Variants in PMS1 observed in about 807,000 individuals in gnomAD.
PMS1 encodes PMS1 homolog 1, mismatch repair system component.
Under a neutral mutation model 93.1 loss-of-function variants are expected in PMS1, and 79 were observed. The observed-to-expected ratio is 0.85, with a 90% CI of 0.71 to 1.02. The LOEUF is 1.02. PMS1 is among the 50% of genes least tolerant of loss of function. The pLI is 0.00. For synonymous variants in PMS1, 335 were observed against 363.4 expected, an observed-to-expected ratio of 0.92 and a Z score of 0.89; for missense variants, 1,064 against 1,085.3, an observed-to-expected ratio of 0.98 and a Z score of 0.28.
At chr2:189,851,148 T>C (rs970142687) in intron 6 of PMS1, among the ~76,000 whole-genome samples, 6 of 152,244 alleles carry the variant, frequency 3.9e-5, no homozygotes, top group African/African-American at 1.4e-4. Flanking sequence ...CTTTGCCATG[T>C]AACTTAAACA....
chr2:189,792,663 A>G (rs1260718918), intron 2 of PMS1, among the ~76,000 whole-genome samples: 4 of 144,324 alleles, frequency 2.8e-5, no homozygotes, highest in Non-Finnish European at 6.0e-5. Context: ...TCTATGAGAT[A>G]AACATGTATA....
chr2:189,860,626 A>G (rs2055859046), intron 9 of PMS1, among the ~76,000 whole-genome samples: 1 of 151,920 alleles, frequency 6.6e-6, no homozygotes, highest in African/African-American at 2.4e-5. Flanking sequence ...TTAGATTTCA[A>G]TCTTTTGAAA....
intron 6 of PMS1, among the ~76,000 whole-genome samples, chr2:189,847,359 G>A (rs1279668153): frequency 3.3e-5 from 5 of 151,786 alleles, no homozygotes; most frequent in African/African-American, 9.7e-5. Flanking sequence ...CCTCCCTATT[G>A]TTATTAAGAC....
chr2:189,796,032 G>T (rs1003540547), intron 3 of PMS1, 81 bp downstream of exon 3: 48 of 1,032,546 alleles, frequency 4.6e-5, no homozygotes, highest in Non-Finnish European at 7.2e-5. Flanking sequence ...ATTTGGTGAA[G>T]TATGGTTTTA....
At chr2:189,853,645 A>T (rs1484201342) in intron 7 of PMS1, among the ~76,000 whole-genome samples, 1 of 150,946 alleles carries the variant, frequency 6.6e-6, no homozygotes, top group African/African-American at 2.4e-5. Context: ...CCTCCCAAGT[A>T]TCTGGGATTA....
Position 189,869,251 on chromosome 2 carries a change from CAATT to C in PMS1, c.2473+1325_2473+1328del, listed in dbSNP as rs1380202580. On this transcript the variant is annotated intron_variant, in intron 11 of 12. Transcript: ENST00000441310. ...TATTGGTGAGCATTAACCAAAGTAA[CAATT>C]AAATCAGTGAGCATGGTACTTGGCA... Among the ~76,000 whole-genome samples the C allele has an allele frequency of 3.9e-5, 6 of 152,276 alleles. No homozygotes were observed. The East Asian group carries it at 9.6e-4, about 24-fold the overall frequency.
chr2:189,834,813 T>C (rs1023273491), intron 5 of PMS1, among the ~76,000 whole-genome samples: 1 of 152,088 alleles, frequency 6.6e-6, no homozygotes, highest in Non-Finnish European at 1.5e-5. Context: ...CACTTCAGCC[T>C]CAAACTCGTG....
chr2:189,869,607 A>T (rs996808433), intron 11 of PMS1, among the ~76,000 whole-genome samples: 2 of 152,102 alleles, frequency 1.3e-5, no homozygotes, highest in African/African-American at 4.8e-5. Context: ...ACCTGAGATC[A>T]GGGGTTCAAG....
chr2:189,831,386 T>C (rs958177574), intron 5 of PMS1, among the ~76,000 whole-genome samples: 2 of 152,216 alleles, frequency 1.3e-5, no homozygotes, highest in Non-Finnish European at 2.9e-5. Flanking sequence ...CTATAAATTG[T>C]AGGCTTTAAG....
At chr2:189,792,952 G>A (rs1042619101) in intron 2 of PMS1, among the ~76,000 whole-genome samples, 9 of 151,900 alleles carry the variant, frequency 5.9e-5, no homozygotes, top group African/African-American at 2.2e-4. Flanking sequence ...TGGGATTACA[G>A]GCACCTGTTA....
intron 3 of PMS1, among the ~76,000 whole-genome samples, chr2:189,800,251 G>A (rs2049770318): frequency 6.6e-6 from 1 of 152,110 alleles, no homozygotes; most frequent in Admixed American, 6.6e-5. Context: ...TATTTTCCGT[G>A]GTAGGTTATA....
chr2:189,874,117 C>T (rs1410678206), intron 12 of PMS1, among the ~76,000 whole-genome samples: 14 of 151,002 alleles, frequency 9.3e-5, no homozygotes, highest in Admixed American at 9.2e-4. Context: ...AAAAAAAGAA[C>T]ACTCTATTAA....
chr2:189,851,931 G>C (rs940345978), intron 6 of PMS1, among the ~76,000 whole-genome samples: 8 of 152,128 alleles, frequency 5.3e-5, no homozygotes, highest in Non-Finnish European at 1.0e-4. Context: ...AGATAAAAGT[G>C]GGAGCATGTT....
chr2:189,854,104 T>TA (rs1335608429), intron 8 of PMS1, 22 bp downstream of exon 8: 1 of 1,528,868 alleles, frequency 6.5e-7, no homozygotes, highest in East Asian at 2.3e-5. Context: ...CAGATAATTT[T>TA]TTCTTATGCT....
chr2:189,824,923 CTT>C (rs1180997866), intron 5 of PMS1, among the ~76,000 whole-genome samples: 1 of 151,998 alleles, frequency 6.6e-6, no homozygotes, highest in African/African-American at 2.4e-5. Flanking sequence ...TGCTCTTAGC[CTT>C]TTTCTTTTAA....
intron 5 of PMS1, among the ~76,000 whole-genome samples, chr2:189,819,389 A>C (rs2051620618): frequency 6.6e-6 from 1 of 152,206 alleles, no homozygotes; most frequent in Non-Finnish European, 1.5e-5. Flanking sequence ...TCCTTTGGGT[A>C]GATACCCAGT....
At chr2:189,856,951 T>C (rs73042345) in intron 9 of PMS1, among the ~76,000 whole-genome samples, 3,691 of 152,188 alleles carry the variant, frequency 0.024, 154 homozygotes, top group African/African-American at 0.084. Context: ...GAATCAAGCT[T>C]ACTTTCTCTC....
At chr2:189,843,632 C>T (rs2053998233) in intron 5 of PMS1, among the ~76,000 whole-genome samples, 1 of 152,016 alleles carries the variant, frequency 6.6e-6, no homozygotes, top group Non-Finnish European at 1.5e-5. Context: ...GAGAGAGAAT[C>T]GATATTTAGT....
chr2:189,816,374 G>C (rs2051302351), intron 4 of PMS1, among the ~76,000 whole-genome samples: 1 of 142,572 alleles, frequency 7.0e-6, no homozygotes, highest in Admixed American at 6.7e-5. Context: ...TTAGTAAATT[G>C]TTTGTCTTCT....
Sources: gnomAD v4.1 joint callset for allele counts (sites outside exome capture counted in the v4.1 genomes callset) on GRCh38, gnomAD v4.1.1 for gene constraint, MANE v1.5 for transcripts, NCBI Gene and HGNC (gene_info 2026-07-23, HGNC 2026-07-21) for gene names.